RBM19: variants seen among roughly 807,000 people sequenced by gnomAD.
RBM19 encodes RNA binding motif protein 19.
Under a neutral mutation model 116.8 loss-of-function variants are expected in RBM19, and 94 were observed. The observed-to-expected ratio is 0.80, with a 90% confidence interval of 0.68 to 0.95. The LOEUF is 0.95. RBM19 is among the 40% of genes least tolerant of loss of function. RBM19 has a pLI of 0.00. For synonymous variants in RBM19, 475 were observed against 494.1 expected (o/e 0.96, Z 0.51); for missense variants, 1,161 against 1,220.7 (o/e 0.95, Z 0.73).
intron 14 of RBM19, among the ~76,000 whole-genome samples, chr12:113,941,499 G>T (rs1380145303): frequency 6.9e-6 from 1 of 144,934 alleles, no homozygotes; most frequent in Non-Finnish European, 1.5e-5. Context: ...GAGTGCTTTG[G>T]TAAGTCTTAA....
chr12:113,951,282 T>C (rs1297331502), intron 8 of RBM19, among the ~76,000 whole-genome samples: 2 of 152,068 alleles, frequency 1.3e-5, no homozygotes, highest in African/African-American at 4.8e-5. Flanking sequence ...GGATGCCGGC[T>C]CTCTCCAACT....
intron 16 of RBM19, among the ~76,000 whole-genome samples, chr12:113,931,374 C>T (rs1869582008): frequency 6.6e-6 from 1 of 152,182 alleles, no homozygotes; most frequent in Non-Finnish European, 1.5e-5. Flanking sequence ...CATGGCCTCC[C>T]AGGTCCATGA....
At chr12:113,940,308 G>A (rs930378580) in intron 14 of RBM19, 148 bp from the exon 15 acceptor site, 6 of 785,468 alleles carry the variant, frequency 7.6e-6, no homozygotes, top group Non-Finnish European at 8.1e-6. Context: ...CAGGAGGAAC[G>A]ACCCTCTCTG....
At chr12:113,884,334 C>CAT (rs1880383690) in intron 21 of RBM19, among the ~76,000 whole-genome samples, 2 of 148,574 alleles carry the variant, frequency 1.3e-5, no homozygotes, top group African/African-American at 2.5e-5. Flanking sequence ...CACACACACA[C>CAT]GTACTTTTTG....
In RBM19 at chr12:113,957,997, C is replaced by A. The variant is rs757503823; in HGVS notation, c.625G>T (p.Asp209Tyr). 6.2e-7 allele frequency: 1 copy of A among 1,614,022 alleles called. No individual in the cohort carries two copies. The highest frequency in any genetic ancestry group is 1.7e-5 in the Admixed American group (1 of 60,002). ...TTCACCATCTTGGATTTCAGGTAAT[C>A]CATGTCCGACAGCTCCTTCTGCACA... ...AAVQKELSDM[D>Y]YLKSKMVKAG... The change falls in exon 6 of 24, where the codon GAT becomes TAT. Residue 209 changes from aspartate to tyrosine, a missense_variant. By Grantham distance (160) the Asp-to-Tyr change is radical (BLOSUM62 -3). Transcript: ENST00000261741.
intron 23 of RBM19, among the ~76,000 whole-genome samples, chr12:113,829,477 A>G (rs1466521392): frequency 6.6e-6 from 1 of 152,136 alleles, no homozygotes; most frequent in Non-Finnish European, 1.5e-5. Flanking sequence ...TGCTTATCTC[A>G]TGGGGACCGT....
At chr12:113,948,628 T>C (rs1340073972) in intron 10 of RBM19, among the ~76,000 whole-genome samples, 2 of 152,222 alleles carry the variant, frequency 1.3e-5, no homozygotes, top group Non-Finnish European at 2.9e-5. Context: ...TACCTTTTAC[T>C]TCCTGCCCTG....
At position 113,945,849 on chromosome 12, in the gene RBM19, G is replaced by C. The variant is rs1202600769; in HGVS notation, c.1605C>G (p.Thr535=). The C allele has an allele frequency of 6.4e-7, 1 of 1,574,622 alleles. No individual in the cohort carries two copies. Among genetic ancestry groups the C allele is most frequent in the South Asian group, 1.1e-5 (1 of 90,196 alleles). Reference sequence around the variant, plus strand: ...TCACGTGGTCAAACACTTGACTCTTGGTGGCGTTGTACTTCTGTGCGATGG... The same window carrying C: ...TCACGTGGTCAAACACTTGACTCTTCGTGGCGTTGTACTTCTGTGCGATGG... ...ADAIAQKYNA[T]KSQVFDHETK... The change falls in exon 13 of 24, where the codon ACC becomes ACG. Residue 535 remains threonine, a synonymous_variant. Transcript: ENST00000261741.
At chr12:113,817,404 GACTC>G (rs1874114324), downstream of RBM19, 2 of 152,408 alleles carry the variant, frequency 1.3e-5, no homozygotes, top group Admixed American at 1.3e-4. Context: ...TGAGGGAGAG[GACTC>G]ACTCTATCAG....
intron 4 of RBM19, 108 bp downstream of exon 4, chr12:113,959,757 T>TCTCCTAGCCTCC: frequency 7.4e-7 from 1 of 1,342,514 alleles, no homozygotes; most frequent in African/African-American, 1.5e-5. Flanking sequence ...CTCCAGCCTC[T>TCTCCTAGCCTCC]ACGGTCTCCT....
chr12:113,961,317 C>T (rs958337460), intron 2 of RBM19, among the ~76,000 whole-genome samples: 3 of 152,210 alleles, frequency 2.0e-5, no homozygotes, highest in African/African-American at 7.2e-5. Context: ...GGAGCCACCA[C>T]ACCTGGCCAG....
chr12:113,950,192 C>CT (rs770743855), intron 8 of RBM19, 38 bp from the exon 9 acceptor site: 4 of 1,505,360 alleles, frequency 2.7e-6, no homozygotes, highest in Non-Finnish European at 3.7e-6. Context: ...ATCTGCAGGC[C>CT]TTGCAGACAC....
At chr12:113,964,170 T>C (rs1872700861) in intron 1 of RBM19, among the ~76,000 whole-genome samples, 1 of 152,216 alleles carries the variant, frequency 6.6e-6, no homozygotes. Flanking sequence ...AATTATTTCC[T>C]CAATTCAATC....
chr12:113,927,090 A>C lies in RBM19; in HGVS notation c.2208T>G (p.Asn736Lys). 1 of 1,613,534 alleles carries C rather than the reference A, an allele frequency of 6.2e-7. No homozygotes were observed. The highest frequency in any genetic ancestry group is 8.5e-7 in the Non-Finnish European group (1 of 1,179,974). Reference protein sequence around the residue: ...SLPGCTLFIKNLNFDTTEEKL... With the variant: ...SLPGCTLFIKKLNFDTTEEKL... ...TCTCTTCTGTTGTGTCAAAATTGAG[A>C]TTCTTAATAAACAGAGTACATCCTG... The change falls in exon 17 of 24, where the codon AAT (asparagine) becomes AAG (lysine). Residue 736 changes from asparagine to lysine, a missense_variant. Coordinates refer to ENST00000261741, the MANE Select transcript of RBM19 (RefSeq NM_016196.4).
chr12:113,844,812 C>A, intron 22 of RBM19, 24 bp from the exon 23 acceptor site: 1 of 1,597,114 alleles, frequency 6.3e-7, no homozygotes. Flanking sequence ...AGAAACGAAA[C>A]TGCACATCAG....
intron 1 of RBM19, 80 bp downstream of exon 1, chr12:113,966,112 C>T: frequency 6.3e-7 from 1 of 1,578,646 alleles, no homozygotes; most frequent in South Asian, 1.1e-5. Flanking sequence ...ATTCTTCGAT[C>T]ACCTCCAGGC....
At chr12:113,909,106 G>A (rs898148119) in intron 21 of RBM19, among the ~76,000 whole-genome samples, 13 of 152,210 alleles carry the variant, frequency 8.5e-5, no homozygotes, top group South Asian at 8.3e-4. Flanking sequence ...GTGTGCTGGC[G>A]TGTGCTGAAG....
chr12:113,897,739 C>A (rs572196952), intron 21 of RBM19, among the ~76,000 whole-genome samples: 1 of 152,374 alleles, frequency 6.6e-6, no homozygotes, highest in South Asian at 2.1e-4. Context: ...GAGGCCACCA[C>A]TCCTGCAGAT....
At chr12:113,949,149 G>T in intron 9 of RBM19, 113 bp from the exon 10 acceptor site, 1 of 972,240 alleles carries the variant, frequency 1.0e-6, no homozygotes, top group Non-Finnish European at 1.6e-6. Flanking sequence ...AATCAAGGTG[G>T]CAGATGACAG....
Sources: gnomAD v4.1 joint callset for allele counts (sites outside exome capture counted in the v4.1 genomes callset) on GRCh38, gnomAD v4.1.1 for gene constraint, MANE v1.5 for transcripts, NCBI Gene and HGNC (gene_info 2026-07-23, HGNC 2026-07-21) for gene names.